Variants in SLC2A13 observed in about 807,000 individuals in gnomAD.
The protein encoded by SLC2A13 is solute carrier family 2 member 13.
Under a neutral mutation model 64.4 loss-of-function variants are expected in SLC2A13, and 32 were observed. The observed-to-expected ratio is 0.50, with a 90% CI of 0.37 to 0.67. The LOEUF (loss-of-function observed/expected upper bound fraction) is 0.67. SLC2A13 is among the 30% of genes least tolerant of loss of function. The pLI, the probability that SLC2A13 is intolerant of heterozygous loss-of-function variation, is 0.00. For missense variants in SLC2A13, 743 were observed against 829.2 expected (o/e 0.90, Z 1.28); for synonymous variants, 338 against 327.1 (o/e 1.03, Z -0.36).
At chr12:40,033,961 G>A (rs752137130) in intron 2 of SLC2A13, among the ~76,000 whole-genome samples, 9 of 152,016 alleles carry the variant, frequency 5.9e-5, no homozygotes, top group Non-Finnish European at 1.2e-4. Flanking sequence ...ACTGCATCCC[G>A]CATTTGTGCT....
At chr12:39,929,657 A>G (rs903191337) in intron 4 of SLC2A13, among the ~76,000 whole-genome samples, 4 of 152,144 alleles carry the variant, frequency 2.6e-5, no homozygotes, top group Non-Finnish European at 5.9e-5. Context: ...ACCAGATGGG[A>G]GAGGCAGGCA....
rs145944346 is a variant in SLC2A13 at position 39,990,954 on chromosome 12, C to G, written c.925+37347G>C. On this transcript the variant is annotated intron_variant, in intron 3 of 9. Transcript: ENST00000280871. ...TCATCAACGGAGCTCTCTCTCTCCCCCTGAAGTGTGTGCCAAACACTGATT... is the reference window on the plus strand; with the variant it reads ...TCATCAACGGAGCTCTCTCTCTCCCGCTGAAGTGTGTGCCAAACACTGATT... Among the ~76,000 whole-genome samples the G allele has an allele frequency of 3.2e-3, 487 of 152,248 alleles. 4 individuals carry two copies. Among genetic ancestry groups the G allele is most frequent in the African/African-American group, 0.011 (453 of 41,552 alleles).
At chr12:39,829,830 G>T in intron 7 of SLC2A13, 1 of 399,828 alleles carries the variant, frequency 2.5e-6, no homozygotes, top group Non-Finnish European at 4.6e-6. Flanking sequence ...GGCAGTATTT[G>T]TGAATAGCTG....
At chr12:39,799,504 A>G (rs1003589751) in intron 7 of SLC2A13, among the ~76,000 whole-genome samples, 7 of 152,174 alleles carry the variant, frequency 4.6e-5, no homozygotes, top group Non-Finnish European at 1.0e-4. Flanking sequence ...TAGTAAAAAT[A>G]AGCTTCATTT....
At chr12:40,003,452 C>A (rs1376500575) in intron 3 of SLC2A13, among the ~76,000 whole-genome samples, 1 of 152,142 alleles carries the variant, frequency 6.6e-6, no homozygotes, top group Non-Finnish European at 1.5e-5. Flanking sequence ...CAAAACTCAA[C>A]CGTCAGAGGT....
chr12:39,943,852 T>A (rs1946085847), intron 4 of SLC2A13, among the ~76,000 whole-genome samples: 1 of 152,152 alleles, frequency 6.6e-6, no homozygotes, highest in Admixed American at 6.5e-5. Flanking sequence ...GCCTACACCA[T>A]CAGCACCCTA....
intron 3 of SLC2A13, among the ~76,000 whole-genome samples, chr12:39,979,940 T>G (rs1186662866): frequency 2.8e-5 from 4 of 144,140 alleles, no homozygotes; most frequent in African/African-American, 1.0e-4. Flanking sequence ...CGGGTTACCC[T>G]CAAAGGGAAG....
chr12:39,796,855 G>A (rs1363807670), intron 7 of SLC2A13, among the ~76,000 whole-genome samples: 1 of 152,022 alleles, frequency 6.6e-6, no homozygotes, highest in Non-Finnish European at 1.5e-5. Flanking sequence ...GGACATTTAT[G>A]CACCTTTGAC....
chr12:39,900,758 A>G (rs949145318), intron 4 of SLC2A13, among the ~76,000 whole-genome samples: 6 of 152,216 alleles, frequency 3.9e-5, no homozygotes, highest in African/African-American at 1.4e-4. Context: ...AAATGGCCAT[A>G]CTGCCCAAGG....
At chr12:39,952,707 A>C (rs573685972) in intron 3 of SLC2A13, among the ~76,000 whole-genome samples, 1 of 152,330 alleles carries the variant, frequency 6.6e-6, no homozygotes, top group Admixed American at 6.5e-5. Context: ...GTGACGATCC[A>C]TTTAGAAAGC....
At chr12:39,912,753 A>G (rs1045180613) in intron 4 of SLC2A13, among the ~76,000 whole-genome samples, 2 of 152,060 alleles carry the variant, frequency 1.3e-5, no homozygotes, top group Admixed American at 6.5e-5. Flanking sequence ...ATTGCCAGGA[A>G]CTGCTGATCT....
chr12:39,982,625 G>A (rs1266281023), intron 3 of SLC2A13, among the ~76,000 whole-genome samples: 1 of 149,594 alleles, frequency 6.7e-6, no homozygotes, highest in African/African-American at 2.4e-5. Flanking sequence ...TACAAGGGAT[G>A]TGAAGCACCT....
intron 6 of SLC2A13, among the ~76,000 whole-genome samples, chr12:39,832,858 C>T (rs1942895056): frequency 1.3e-5 from 2 of 152,068 alleles, no homozygotes; most frequent in Admixed American, 1.3e-4. Context: ...TTTGCCTTAT[C>T]TGTGACTTCA....
At chr12:40,058,650 A>T (rs1948371167) in intron 1 of SLC2A13, among the ~76,000 whole-genome samples, 1 of 152,300 alleles carries the variant, frequency 6.6e-6, no homozygotes, top group Non-Finnish European at 1.5e-5. Flanking sequence ...AGCTATATAC[A>T]TGTAACTCCA....
intron 4 of SLC2A13, among the ~76,000 whole-genome samples, chr12:39,929,611 G>A (rs893285497): frequency 2.6e-5 from 4 of 152,056 alleles, no homozygotes; most frequent in Non-Finnish European, 5.9e-5. Flanking sequence ...AGAGAGAGGG[G>A]TAAAGAGCAT....
chr12:39,837,586 A>G (rs1175579144), intron 6 of SLC2A13, among the ~76,000 whole-genome samples: 1 of 146,808 alleles, frequency 6.8e-6, no homozygotes, highest in Non-Finnish European at 1.5e-5. Context: ...TTCACAACCT[A>G]CTCATCTGAC....
At chr12:39,956,876 A>G (rs908003922) in intron 3 of SLC2A13, among the ~76,000 whole-genome samples, 13 of 152,198 alleles carry the variant, frequency 8.5e-5, no homozygotes, top group African/African-American at 3.1e-4. Flanking sequence ...CTGCTGATAA[A>G]GTAAAGATGC....
At chr12:39,772,145 G>A (rs866138638) in intron 7 of SLC2A13, among the ~76,000 whole-genome samples, 3 of 152,042 alleles carry the variant, frequency 2.0e-5, no homozygotes, top group Non-Finnish European at 2.9e-5. Context: ...TTCTTCTACG[G>A]TACTGAGATT....
rs1939273383 is a variant in SLC2A13, at chr12:40,105,405, G to A, written c.404C>T (p.Ala135Val). ...GCCGTTGAGGGCGCCTCCGGCCAGC[G>A]CCGAGACGGCAGCCGCCCCCACCGT... ...SSTVGAAAVS[A>V]LAGGALNGVF... The change falls in exon 1 of 10, where the codon GCG becomes GTG. Residue 135 changes from alanine (A) to valine (V), a missense_variant. Ala to Val is a moderately conservative substitution (Grantham distance 64). Transcript: ENST00000280871. The surrounding 1 kb of genome is among the most constrained non-coding windows in gnomAD (Gnocchi z 4.2). The A allele has an allele frequency of 6.4e-7, 1 of 1,551,698 alleles. No individual in the cohort carries two copies. Among genetic ancestry groups the A allele is most frequent in the Non-Finnish European group, 8.7e-7 (1 of 1,149,064 alleles).
Sources: allele counts gnomAD v4.1 joint callset (sites outside exome capture counted in the v4.1 genomes callset), GRCh38; gene constraint gnomAD v4.1.1; non-coding constraint Gnocchi (gnomAD v3.1); transcripts MANE v1.5; gene names NCBI Gene and HGNC (gene_info 2026-07-23, HGNC 2026-07-21).